The following PIF1 variants were observed in gnomAD, a reference collection of about 807,000 sequenced individuals.
The protein encoded by PIF1 is PIF1 5'-to-3' DNA helicase, also known as ATP-dependent DNA helicase PIF1.
PIF1 carries 67 observed loss-of-function variants against 62.3 expected under a neutral mutation model. The ratio of observed to expected loss-of-function variants is 1.08; its 90% CI spans 0.88 to 1.32. PIF1 has a LOEUF of 1.32. Ranked by LOEUF, PIF1 falls within the 40% of genes most tolerant of loss-of-function variation. PIF1 has a pLI of 0.00. For missense variants in PIF1, 886 were observed against 866.1 expected, an observed-to-expected ratio of 1.02 and a Z score of -0.29; for synonymous variants, 364 against 379.5, an observed-to-expected ratio of 0.96 and a Z score of 0.47.
Position 64,816,198 on chromosome 15 carries a change from G to T in PIF1, c.*100C>A. 6.3e-7 allele frequency: 1 copy of T among 1,579,314 alleles called. No homozygotes were observed. Reference sequence around the variant, plus strand: ...CCTAAAAAATACAGAAGGGGACACTGCCTGCCTACTCCAGTTATTCCCTGG... The same window carrying T: ...CCTAAAAAATACAGAAGGGGACACTTCCTGCCTACTCCAGTTATTCCCTGG... On this transcript the variant is annotated 3_prime_UTR_variant, in exon 13 of 13. Transcript: ENST00000559239.
At position 64,821,002 on chromosome 15, in the gene PIF1, C is replaced by T. The variant is rs765217204; in HGVS notation, c.1173G>A (p.Leu391=). ...RQADQTFISL[L]QAVRLGRCSD... is the part of the protein sequence containing the mutation. Reference sequence around the variant, plus strand: ...CTCACCTGCCTAGCCTCACGGCCTGCAGTAGAGAGATGAAGGTCTGGTCTG... The same window carrying T: ...CTCACCTGCCTAGCCTCACGGCCTGTAGTAGAGAGATGAAGGTCTGGTCTG... Residue 391 remains leucine, a synonymous_variant, in exon 7 of 13, where the codon CTG becomes CTA. Transcript: ENST00000559239. 6.2e-7 allele frequency: 1 copy of T among 1,614,086 alleles called. No homozygotes were observed. Among genetic ancestry groups the T allele is most frequent in the Non-Finnish European group, 8.5e-7 (1 of 1,179,988 alleles).
In PIF1 at chr15:64,816,772, G is replaced by C. The variant is rs968374369; in HGVS notation, c.1675-7C>G. Reference sequence around the variant, plus strand: ...CACAATCCAGGGTCATGCCCTGGGGGATGCAGGGACAGAGATGGAGTCAGC... The same window carrying C: ...CACAATCCAGGGTCATGCCCTGGGGCATGCAGGGACAGAGATGGAGTCAGC... On this transcript the variant is annotated splice_polypyrimidine_tract_variant and splice_region_variant and intron_variant, in intron 11 of 12. Transcript: ENST00000559239. 4 of 1,575,492 alleles carry C rather than the reference G, an allele frequency of 2.5e-6. No homozygotes were observed. Among genetic ancestry groups the C allele is most frequent in the Non-Finnish European group, 3.4e-6 (4 of 1,160,880 alleles).
chr15:64,819,231 A>G lies in PIF1; in HGVS notation c.1334-8T>C. On this transcript the variant is annotated splice_region_variant and splice_polypyrimidine_tract_variant and intron_variant, in intron 8 of 12. Transcript: ENST00000559239. Reference sequence around the variant, plus strand: ...CAAATCTGTGTACCTTACCTGGAGAAAAAGAGTTGAGCAAACAGATCACAA... The same window carrying G: ...CAAATCTGTGTACCTTACCTGGAGAGAAAGAGTTGAGCAAACAGATCACAA... The G allele has an allele frequency of 6.3e-7, 1 of 1,585,096 alleles. No individual in the cohort carries two copies. The highest frequency in any genetic ancestry group is 8.6e-7 in the Non-Finnish European group (1 of 1,163,770).
rs2084299973 is a variant in PIF1, at chr15:64,822,273, G to A, written c.810C>T (p.Ala270=). The change falls in exon 4 of 13, where the codon GCC becomes GCT. Residue 270 remains alanine, a synonymous_variant. Coordinates refer to ENST00000559239, the MANE Select transcript of PIF1 (RefSeq NM_001286496.2). ...ACHIGGTTLH[A]FAGIGSGQAP... ...CTAGGGGTTCCTACTTACCTGCAAA[G>A]GCATGGAGGGTGGTGCCCCCGATGT... 2 of 1,613,498 alleles carry A rather than the reference G, an allele frequency of 1.2e-6. No individual in the cohort carries two copies. Among genetic ancestry groups the A allele is most frequent in the Non-Finnish European group, 1.7e-6 (2 of 1,179,810 alleles).
intron 2 of PIF1, among the ~76,000 whole-genome samples, 200 bp from the exon 3 acceptor site, chr15:64,822,810 T>C (rs529682339): frequency 6.6e-6 from 1 of 152,184 alleles, no homozygotes; most frequent in African/African-American, 2.4e-5. Flanking sequence ...AAGACCCCCA[T>C]TGTCCAGTCC....
intron 1 of PIF1, among the ~76,000 whole-genome samples, chr15:64,824,826 ATAC>A (rs1567089333): frequency 6.7e-6 from 1 of 149,118 alleles, no homozygotes; most frequent in South Asian, 2.1e-4. Context: ...TAAAAAAAAA[ATAC>A]ATACATATAA....
chr15:64,819,058 A>G (rs905430127), intron 9 of PIF1, 59 bp downstream of exon 9: 3 of 1,325,480 alleles, frequency 2.3e-6, no homozygotes, highest in Non-Finnish European at 3.1e-6. Context: ...GGTAGGGATC[A>G]GCAAGGCCCA....
intron 2 of PIF1, 130 bp from the exon 3 acceptor site, chr15:64,822,740 T>A: frequency 7.3e-7 from 1 of 1,364,584 alleles, no homozygotes. Flanking sequence ...ATGGAGCTCT[T>A]GGGTTTGCCT....
In PIF1 at chr15:64,823,769, C is replaced by A; in HGVS notation, c.558+9G>T. 2 of 1,316,682 alleles carry A rather than the reference C, an allele frequency of 1.5e-6. No individual in the cohort carries two copies. Among genetic ancestry groups the A allele is most frequent in the South Asian group, 2.9e-5 (1 of 34,778 alleles). The allele number at this position is 1,316,682 out of a possible 1,614,324, so 81.6% of individuals were successfully genotyped here. A position where few individuals can be genotyped will look rare whatever the true frequency, so the allele number is the denominator to read the frequency against. ...ACTCCTAAAGGTGTCCCTTCTTTCC[C>A]GTCCTCACTGTGCTAGGCTCGGCCC... On this transcript the variant is annotated intron_variant, in intron 2 of 12. Coordinates refer to ENST00000559239, the MANE Select transcript of PIF1 (RefSeq NM_001286496.2).
Position 64,816,689 on chromosome 15 carries a change from C to CGA in PIF1, c.1749_1750dup (p.Arg584LeufsTer88). ...ACGTAGGCCCTGCAGGCTGCGGGCC[C>CGA]GAGAAAGGGCCACATAGGCCTGGCC... On this transcript the variant is annotated frameshift_variant, in exon 12 of 13. Coordinates refer to ENST00000559239, the MANE Select transcript of PIF1 (RefSeq NM_001286496.2). LOFTEE classifies it high-confidence loss of function. 6.2e-7 allele frequency: 1 copy of CGA among 1,613,638 alleles called. No individual in the cohort carries two copies. The highest frequency in any genetic ancestry group is 1.1e-5 in the South Asian group (1 of 91,074).
At chr15:64,820,136 C>T in intron 7 of PIF1, 150 bp from the exon 8 acceptor site, 1 of 921,086 alleles carries the variant, frequency 1.1e-6, no homozygotes. Flanking sequence ...TCAAGCTGGC[C>T]AACCTGTCCC....
Position 64,819,853 on chromosome 15 carries a change from G to A in PIF1, c.1327C>T (p.Leu443=), listed in dbSNP as rs1170540465. The A allele has an allele frequency of 6.2e-7, 1 of 1,613,032 alleles. No homozygotes were observed. Among genetic ancestry groups the A allele is most frequent in the Non-Finnish European group, 8.5e-7 (1 of 1,180,034 alleles). Residue 443 remains leucine (L), a synonymous_variant, in exon 8 of 13, where the codon CTG becomes TTG. Transcript: ENST00000559239. ...ALTNERRLQE[L]PGKVHRFEAM... ...GCCCAGGCTCCCTGCTCACCTGGCAGCTCCTGAAGCCGCCTCTCGTTGGTG... is the reference window on the plus strand; with the variant it reads ...GCCCAGGCTCCCTGCTCACCTGGCAACTCCTGAAGCCGCCTCTCGTTGGTG...
rs200842329 is a variant in PIF1, at chr15:64,819,846, C to T, written c.1333+1G>A. The T allele has an allele frequency of 2.2e-5, 35 of 1,612,906 alleles. 2 individuals carry two copies. In the South Asian group the frequency reaches 2.6e-4, roughly 12 times the overall value. ...TTGCCCAGCCCAGGCTCCCTGCTCA[C>T]CTGGCAGCTCCTGAAGCCGCCTCTC... On this transcript the variant is annotated splice_donor_variant, in intron 8 of 12. Transcript: ENST00000559239. LOFTEE classifies it high-confidence loss of function.
At chr15:64,823,525 G>T in intron 2 of PIF1, 1 of 337,170 alleles carries the variant, frequency 3.0e-6, no homozygotes. Flanking sequence ...GATTACAGGC[G>T]TGAGCCACCA....
At chr15:64,824,569 G>T (rs2084340546) in intron 1 of PIF1, among the ~76,000 whole-genome samples, 1 of 152,092 alleles carries the variant, frequency 6.6e-6, no homozygotes, top group South Asian at 2.1e-4. Context: ...GCCCTGGGCC[G>T]GGCGCAGTGG....
chr15:64,821,730 C>T, intron 4 of PIF1: 1 of 544,512 alleles, frequency 1.8e-6, no homozygotes. Context: ...CACCACCATG[C>T]TCAGCTAATT....
upstream of PIF1, among the ~76,000 whole-genome samples, chr15:64,826,659 T>C (rs56246700): frequency 0.01 from 406 of 39,952 alleles, 16 homozygotes; most frequent in Non-Finnish European, 0.016. Flanking sequence ...TATATATATA[T>C]ATATATACAC....
chr15:64,822,628 A>G lies in PIF1; in HGVS notation c.559-18T>C, dbSNP rs1388344838. On this transcript the variant is annotated intron_variant, in intron 2 of 12. Transcript: ENST00000559239. ...GGGGCTTCCTGGGGGGAACAGAGCT[A>G]TCTCAGAGCATCCTCCCACCCGCTA... The G allele has an allele frequency of 1.8e-5, 29 of 1,612,610 alleles. No individual in the cohort carries two copies. The highest frequency in any genetic ancestry group is 2.1e-5 in the Non-Finnish European group (25 of 1,179,840).
intron 2 of PIF1, 39 bp from the exon 3 acceptor site, chr15:64,822,649 C>A: frequency 1.2e-6 from 2 of 1,610,980 alleles, no homozygotes; most frequent in Non-Finnish European, 1.7e-6. Flanking sequence ...TCCTCCCACC[C>A]GCTAGGCATT....
Sources: allele counts gnomAD v4.1 joint callset (sites outside exome capture counted in the v4.1 genomes callset), GRCh38; gene constraint gnomAD v4.1.1; transcripts MANE v1.5; gene names NCBI Gene and HGNC (gene_info 2026-07-23, HGNC 2026-07-21).